PAX3: variants seen among roughly 807,000 people sequenced by gnomAD.
PAX3 encodes paired box 3.
A neutral mutation model predicts 51.6 loss-of-function variants in PAX3; 14 were observed. That is an observed-to-expected ratio of 0.27 (90% CI 0.18 to 0.42). The LOEUF (loss-of-function observed/expected upper bound fraction) is 0.42. Ranked by LOEUF, PAX3 falls within the 10% of genes least tolerant of loss-of-function variation. The pLI, the probability that PAX3 is intolerant of heterozygous loss-of-function variation, is 1.00. For missense variants in PAX3, 540 were observed against 642.8 expected (o/e 0.84, Z 1.73); for synonymous variants, 280 against 253.4 (o/e 1.11, Z -1.00).
In PAX3 at chr2:222,220,195, G is replaced by C; in HGVS notation, c.1118C>G (p.Pro373Arg). The change falls in exon 7 of 9, where the codon CCG becomes CGG. Residue 373 changes from proline to arginine, a missense_variant. Around this residue, in one of 3 missense-constraint regions of PAX3, gnomAD observed 427 missense variants for 483.6 expected, o/e 0.88. Transcript: ENST00000392070. ...GTTCATGGGGTTGGAGGGCCCCGACGGAGGCACAAAGCTGTCTGTATAGCT... is the reference window on the plus strand; with the variant it reads ...GTTCATGGGGTTGGAGGGCCCCGACCGAGGCACAAAGCTGTCTGTATAGCT... ...FSSYTDSFVP[P>R]SGPSNPMNPT... The C allele has an allele frequency of 2.5e-6, 4 of 1,613,916 alleles. No homozygotes were observed. The highest frequency in any genetic ancestry group is 3.4e-6 in the Non-Finnish European group (4 of 1,179,950).
At chr2:222,233,086 A>C (rs1469259259) in intron 4 of PAX3, 11 of 63,386 alleles carry the variant, frequency 1.7e-4, no homozygotes, top group Non-Finnish European at 6.0e-5. Flanking sequence ...ATGCAAAAAA[A>C]AAAAAAAAAA....
chr2:222,293,707 TC>T, intron 4 of PAX3: 1 of 1,525,930 alleles, frequency 6.6e-7, no homozygotes, highest in Non-Finnish European at 9.0e-7. Flanking sequence ...AAAAGAGTAC[TC>T]TCTCTCTCTC....
At chr2:222,284,790 G>T (rs539169157) in intron 4 of PAX3, among the ~76,000 whole-genome samples, 1 of 152,328 alleles carries the variant, frequency 6.6e-6, no homozygotes, top group South Asian at 2.1e-4. Context: ...GCTGCTAGGT[G>T]TAATTTGCAC....
intron 4 of PAX3, among the ~76,000 whole-genome samples, chr2:222,266,028 G>A (rs549515579): frequency 6.6e-6 from 1 of 152,322 alleles, no homozygotes; most frequent in East Asian, 1.9e-4. Flanking sequence ...GGAGCTTGAA[G>A]CTTGTAAAAT....
intron 4 of PAX3, among the ~76,000 whole-genome samples, chr2:222,272,757 G>A (rs1361775312): frequency 6.6e-6 from 1 of 152,060 alleles, no homozygotes; most frequent in African/African-American, 2.4e-5. Flanking sequence ...TTCATGTTTT[G>A]TCAGCACTTG....
chr2:222,253,588 G>GA (rs11436918), intron 4 of PAX3, among the ~76,000 whole-genome samples: 17,552 of 149,012 alleles, frequency 0.12, 1,254 homozygotes, highest in East Asian at 0.32. Context: ...TGTTTCCCAA[G>GA]AAAAAAATAA....
intron 5 of PAX3, among the ~76,000 whole-genome samples, chr2:222,222,577 T>C (rs1231703054): frequency 6.6e-6 from 1 of 152,128 alleles, no homozygotes; most frequent in Non-Finnish European, 1.5e-5. Flanking sequence ...CTAATTTTTG[T>C]ATTCTTAGTA....
chr2:222,287,176 G>A (rs1453439008), intron 4 of PAX3, among the ~76,000 whole-genome samples: 4 of 152,224 alleles, frequency 2.6e-5, no homozygotes, highest in African/African-American at 9.7e-5. Flanking sequence ...GAAGACTGGT[G>A]TGAATGGGAC....
chr2:222,276,508 G>T (rs993162850), intron 4 of PAX3, among the ~76,000 whole-genome samples: 1 of 152,184 alleles, frequency 6.6e-6, no homozygotes, highest in African/African-American at 2.4e-5. Context: ...TCCTCAAGCG[G>T]CTGCCTGTAC....
Position 222,295,517 on chromosome 2 carries a change from G to T in PAX3, c.451+11C>A. 6.2e-7 allele frequency: 1 copy of T among 1,614,186 alleles called. No homozygotes were observed. The highest frequency in any genetic ancestry group is 8.5e-7 in the Non-Finnish European group (1 of 1,180,000). On this transcript the variant is annotated intron_variant, in intron 3 of 8. Transcript: ENST00000392070. ...TGTCGCGCCTCGGGGAGAGGTTAAT[G>T]GGCCTAGTACCTGACGGCACGGTGT...
intron 1 of PAX3, chr2:222,298,271 A>T: frequency 1.9e-6 from 1 of 517,958 alleles, no homozygotes; most frequent in Non-Finnish European, 3.5e-6. Context: ...CGGCATTTCC[A>T]AAACAACAGG....
At chr2:222,247,622 CT>C (rs1693276872) in intron 4 of PAX3, among the ~76,000 whole-genome samples, 1 of 151,936 alleles carries the variant, frequency 6.6e-6, no homozygotes, top group African/African-American at 2.4e-5. Context: ...TAAATTCTGG[CT>C]TTTTTCATTT....
Position 222,284,749 on chromosome 2 carries a change from A to T in PAX3, c.586+9418T>A, listed in dbSNP as rs370839833. 5.3e-5 allele frequency among the ~76,000 whole-genome samples: 8 copies of T among 152,120 alleles called. No individual in the cohort carries two copies. In the South Asian group the frequency reaches 1.2e-3, roughly 24 times the overall value. ...GTCACTTTCTGAGTGTTCAGAGATT[A>T]TTTCCCCCCCGACCAAGACTTTTGA... On this transcript the variant is annotated intron_variant, in intron 4 of 8. Coordinates refer to ENST00000392070, the MANE Select transcript of PAX3 (RefSeq NM_181458.4).
chr2:222,237,602 A>G (rs1188171823), intron 4 of PAX3, among the ~76,000 whole-genome samples: 8 of 152,208 alleles, frequency 5.3e-5, no homozygotes, highest in Non-Finnish European at 1.0e-4. Flanking sequence ...TATAGTTTTT[A>G]AACAACAATA....
At chr2:222,235,525 C>T (rs886371687) in intron 4 of PAX3, among the ~76,000 whole-genome samples, 2 of 152,106 alleles carry the variant, frequency 1.3e-5, no homozygotes, top group African/African-American at 2.4e-5. Context: ...ATTTATATAC[C>T]TGCATTGTTT....
intron 5 of PAX3, among the ~76,000 whole-genome samples, chr2:222,230,761 A>G (rs1692560601): frequency 6.7e-6 from 1 of 149,882 alleles, no homozygotes; most frequent in Non-Finnish European, 1.5e-5. Flanking sequence ...AGACTGAGTC[A>G]GGAGAATCGC....
rs1246933884 is a variant in PAX3, at chr2:222,221,286, G to A, written c.894C>T (p.Ala298=). 1 of 1,614,104 alleles carries A rather than the reference G, an allele frequency of 6.2e-7. No homozygotes were observed. Among genetic ancestry groups the A allele is most frequent in the South Asian group, 1.1e-5 (1 of 91,078 alleles). The part of the protein sequence containing the change: ...HLIPGGFPPT[A]MPTLPTYQLS... The stretch of plus-strand genomic sequence containing the variant: ...GCTGGTACGTTGGCAAGGTCGGCAT[G>A]GCAGTGGGAGGGAACCCCCCGGGAA... Residue 298 remains alanine, a synonymous_variant, in exon 6 of 9, where the codon GCC becomes GCT. Transcript: ENST00000392070.
At chr2:222,260,239 A>C (rs1693789930) in intron 4 of PAX3, among the ~76,000 whole-genome samples, 1 of 151,492 alleles carries the variant, frequency 6.6e-6, no homozygotes, top group East Asian at 2.0e-4. Flanking sequence ...GAAGTGGCAA[A>C]TTAAGACTAC....
At chr2:222,203,983 TG>T (rs1277828696) in intron 7 of PAX3, among the ~76,000 whole-genome samples, 1 of 152,194 alleles carries the variant, frequency 6.6e-6, no homozygotes, top group East Asian at 1.9e-4. Flanking sequence ...GGTGGGCTGG[TG>T]TGGGCAAAGC....
Sources: gnomAD v4.1 joint callset for allele counts (sites outside exome capture counted in the v4.1 genomes callset) on GRCh38, gnomAD v4.1.1 for gene constraint, gnomAD v4.1.1 regional missense constraint, MANE v1.5 for transcripts, NCBI Gene and HGNC (gene_info 2026-07-23, HGNC 2026-07-21) for gene names.